The following TRHDE variants were observed in gnomAD, a reference collection of about 807,000 sequenced individuals.
The protein encoded by TRHDE is thyrotropin-releasing hormone-degrading ectoenzyme.
A neutral mutation model predicts 125.7 loss-of-function variants in TRHDE; 72 were observed. The ratio of observed to expected loss-of-function variants is 0.57; its 90% confidence interval spans 0.47 to 0.70. TRHDE has a LOEUF of 0.70. Ranked by LOEUF, TRHDE falls within the 30% of genes least tolerant of loss-of-function variation. TRHDE has a pLI of 0.00. For missense variants in TRHDE, 1,110 were observed against 1,327.1 expected (o/e 0.84, Z 2.54); for synonymous variants, 509 against 509.1 (o/e 1.00, Z 0.00).
At chr12:72,291,078 G>A (rs1309206881) in intron 2 of TRHDE, among the ~76,000 whole-genome samples, 1 of 152,150 alleles carries the variant, frequency 6.6e-6, no homozygotes, top group African/African-American at 2.4e-5. Flanking sequence ...TTGTCAGTGG[G>A]TCTCATCCCA....
intron 2 of TRHDE, among the ~76,000 whole-genome samples, chr12:72,237,483 AAATAT>A (rs1878357261): frequency 6.6e-6 from 1 of 152,184 alleles, no homozygotes; most frequent in African/African-American, 2.4e-5. Flanking sequence ...GGCATTTGCA[AAATAT>A]AATAAAATAT....
chr12:72,582,323 A>C, intron 12 of TRHDE: 1 of 985,250 alleles, frequency 1.0e-6, no homozygotes. Context: ...AGAACATTTC[A>C]AAAACTTACA....
At chr12:72,131,264 G>A (rs1055027102) in intron 2 of TRHDE, among the ~76,000 whole-genome samples, 1 of 151,420 alleles carries the variant, frequency 6.6e-6, no homozygotes, top group Admixed American at 6.6e-5. Context: ...AGTAGAGACG[G>A]GGTTTCACCG....
chr12:72,356,938 C>T (rs558217050), intron 2 of TRHDE, among the ~76,000 whole-genome samples: 187 of 151,576 alleles, frequency 1.2e-3, no homozygotes, highest in African/African-American at 4.3e-3. Flanking sequence ...TCTATATTTT[C>T]GGAAATGCAT....
chr12:72,272,677 G>C lies in TRHDE; in HGVS notation c.34G>C (p.Glu12Gln). The change falls in exon 1 of 19, where the codon GAG becomes CAG. Residue 12 changes from glutamate to glutamine, a missense_variant. Glu to Gln is a conservative substitution (Grantham distance 29, BLOSUM62 2). Transcript: ENST00000261180. The surrounding 1 kb of genome is among the most constrained non-coding windows in gnomAD (Gnocchi z 6.7). ...GGACGGCGAGCTGGGGGAGCAAGAGGAGGAGAAGAAAAAGAAGAAGAAAAA... is the reference window on the plus strand; with the variant it reads ...GGACGGCGAGCTGGGGGAGCAAGAGCAGGAGAAGAAAAAGAAGAAGAAAAA... ...ALDGELGEQE[E>Q]EKKKKKKKKR... is the part of the protein sequence containing the mutation. 7.7e-7 allele frequency: 1 copy of C among 1,303,808 alleles called. No homozygotes were observed. Among genetic ancestry groups the C allele is most frequent in the Non-Finnish European group, 1.0e-6 (1 of 981,400 alleles). The allele number at this position is 1,303,808 out of a possible 1,614,324, so 80.8% of individuals were successfully genotyped here. A position where few individuals can be genotyped will look rare whatever the true frequency, so the allele number is the denominator to read the frequency against.
chr12:72,379,864 C>T (rs993302852), intron 3 of TRHDE, among the ~76,000 whole-genome samples: 4 of 152,108 alleles, frequency 2.6e-5, no homozygotes, highest in Admixed American at 6.5e-5. Flanking sequence ...GTTACCACAG[C>T]CCATGGTGCT....
intron 15 of TRHDE, among the ~76,000 whole-genome samples, chr12:72,625,048 G>A (rs1014131442): frequency 1.3e-5 from 2 of 151,614 alleles, no homozygotes; most frequent in Non-Finnish European, 2.9e-5. Flanking sequence ...GAAATAATAG[G>A]CCTAAGTCTC....
intron 2 of TRHDE, among the ~76,000 whole-genome samples, chr12:72,132,303 C>G (rs1875883445): frequency 6.6e-6 from 1 of 152,076 alleles, no homozygotes; most frequent in East Asian, 1.9e-4. Context: ...GGTTTCATAG[C>G]CAAAAAAGAG....
At chr12:72,404,870 T>A (rs548991685) in intron 3 of TRHDE, among the ~76,000 whole-genome samples, 6 of 152,210 alleles carry the variant, frequency 3.9e-5, no homozygotes, top group African/African-American at 1.4e-4. Context: ...AAGTTTGTTA[T>A]CCTGTCAGTG....
intron 2 of TRHDE, among the ~76,000 whole-genome samples, chr12:72,317,306 G>A (rs183930733): frequency 9.9e-5 from 15 of 151,986 alleles, no homozygotes; most frequent in African/African-American, 3.6e-4. Context: ...GATACAAGTG[G>A]GTAAATTAAA....
intron 3 of TRHDE, among the ~76,000 whole-genome samples, chr12:72,422,862 T>A (rs1874018059): frequency 6.6e-6 from 1 of 152,138 alleles, no homozygotes; most frequent in South Asian, 2.1e-4. Context: ...GGGAGTGGCT[T>A]CTCATCTTTG....
At chr12:72,112,672 G>A (rs567117991) in intron 2 of TRHDE, among the ~76,000 whole-genome samples, 3 of 151,972 alleles carry the variant, frequency 2.0e-5, no homozygotes, top group East Asian at 1.9e-4. Context: ...GGTTAACATC[G>A]TAAGAATTCA....
intron 2 of TRHDE, among the ~76,000 whole-genome samples, chr12:72,176,001 T>C (rs1269558157): frequency 6.6e-6 from 1 of 152,202 alleles, no homozygotes; most frequent in African/African-American, 2.4e-5. Flanking sequence ...GAGAGAACTG[T>C]GATTCAGGCC....
chr12:72,376,870 A>G (rs1871908500), intron 2 of TRHDE, among the ~76,000 whole-genome samples: 1 of 148,918 alleles, frequency 6.7e-6, no homozygotes, highest in Non-Finnish European at 1.5e-5. Context: ...TACTGAGTAA[A>G]CCATTTTTTT....
intron 12 of TRHDE, chr12:72,582,405 T>C (rs1168843660): frequency 1.0e-6 from 1 of 985,426 alleles, no homozygotes; most frequent in Non-Finnish European, 1.2e-6. Context: ...TTAACAACAT[T>C]TGCAAACTGT....
intron 2 of TRHDE, among the ~76,000 whole-genome samples, chr12:72,120,789 C>T (rs1336164068): frequency 4.6e-5 from 7 of 151,632 alleles, no homozygotes; most frequent in Admixed American, 4.6e-4. Flanking sequence ...AGTAATTCCC[C>T]TGCCTCAGCC....
intron 3 of TRHDE, among the ~76,000 whole-genome samples, chr12:72,435,640 ATT>A (rs1246330658): frequency 5.0e-5 from 7 of 139,028 alleles, no homozygotes; most frequent in Admixed American, 1.4e-4. Flanking sequence ...CCAGGCTGGG[ATT>A]TTTTTTTTTT....
chr12:72,555,125 A>C (rs1869856228), intron 7 of TRHDE, among the ~76,000 whole-genome samples: 1 of 152,184 alleles, frequency 6.6e-6, no homozygotes, highest in African/African-American at 2.4e-5. Flanking sequence ...TATTCTTACA[A>C]AATTTACATT....
chr12:72,302,086 C>T (rs372876128), intron 2 of TRHDE, among the ~76,000 whole-genome samples: 3 of 152,134 alleles, frequency 2.0e-5, no homozygotes, highest in East Asian at 1.9e-4. Context: ...TCGTGAAGTA[C>T]GTTCATTTAT....
Sources: gnomAD v4.1 joint callset for allele counts (sites outside exome capture counted in the v4.1 genomes callset) on GRCh38, gnomAD v4.1.1 for gene constraint, Gnocchi (gnomAD v3.1) non-coding constraint, MANE v1.5 for transcripts, NCBI Gene and HGNC (gene_info 2026-07-23, HGNC 2026-07-21) for gene names.